The following SLC7A2 variants were observed in gnomAD, a reference collection of about 807,000 sequenced individuals.
The protein encoded by SLC7A2 is solute carrier family 7 member 2.
SLC7A2 carries 48 observed loss-of-function variants against 58.9 expected under a neutral mutation model. The ratio of observed to expected loss-of-function variants is 0.82; its 90% CI spans 0.65 to 1.04. The LOEUF is 1.04. Among genes scored for constraint, SLC7A2 ranks in the 50% least tolerant of loss-of-function variants. The pLI is 0.00. For missense variants in SLC7A2, 1,029 were observed against 818.8 expected, an observed-to-expected ratio of 1.26 and a Z score of -3.13; for synonymous variants, 363 against 314.5, an observed-to-expected ratio of 1.15 and a Z score of -1.63.
chr8:17,537,918 A>G (rs1257370398), intron 2 of SLC7A2, among the ~76,000 whole-genome samples: 1 of 152,152 alleles, frequency 6.6e-6, no homozygotes, highest in Non-Finnish European at 1.5e-5. Flanking sequence ...CCTAAACACA[A>G]AAGTTGGATG....
At chr8:17,524,331 A>G (rs1449483938) in intron 2 of SLC7A2, among the ~76,000 whole-genome samples, 4 of 152,126 alleles carry the variant, frequency 2.6e-5, no homozygotes. Flanking sequence ...ACAATTTGCA[A>G]TTGCAAAAAT....
At chr8:17,525,182 C>G (rs1801174593) in intron 2 of SLC7A2, among the ~76,000 whole-genome samples, 1 of 152,242 alleles carries the variant, frequency 6.6e-6, no homozygotes, top group East Asian at 1.9e-4. Flanking sequence ...CTGGGCTCTT[C>G]TTCTCCCTCA....
At chr8:17,555,614 A>G (rs1045800253) in intron 8 of SLC7A2, among the ~76,000 whole-genome samples, 1 of 151,848 alleles carries the variant, frequency 6.6e-6, no homozygotes, top group African/African-American at 2.4e-5. Context: ...CATCCTCAGT[A>G]TGGTGGGCAT....
chr8:17,564,915 T>G lies in SLC7A2; in HGVS notation c.1781-35T>G, dbSNP rs768410748. 7.3e-6 allele frequency: 11 copies of G among 1,508,032 alleles called. No homozygotes were observed. In the East Asian group the frequency reaches 2.0e-4, roughly 28 times the overall value. The allele number at this position is 1,508,032 out of a possible 1,614,324, so 93.4% of individuals were successfully genotyped here. On this transcript the variant is annotated intron_variant, in intron 12 of 12. Transcript: ENST00000494857. ...CTTAAAAGTCATTTTCTGACATACC[T>G]GAAACATTGATTTTTTTTTTTCCTG... is the stretch of plus-strand genomic sequence containing the variant.
chr8:17,523,784 C>T (rs1801110978), intron 2 of SLC7A2, among the ~76,000 whole-genome samples: 1 of 152,078 alleles, frequency 6.6e-6, no homozygotes, highest in Non-Finnish European at 1.5e-5. Flanking sequence ...AACTAAAAAG[C>T]TTCTCCACAG....
At chr8:17,548,464 G>T (rs1802282581) in intron 4 of SLC7A2, among the ~76,000 whole-genome samples, 1 of 152,198 alleles carries the variant, frequency 6.6e-6, no homozygotes, top group Admixed American at 6.5e-5. Context: ...TCTTCTATGA[G>T]CATGACCTGC....
At chr8:17,519,229 G>A (rs1161542169) in intron 2 of SLC7A2, among the ~76,000 whole-genome samples, 1 of 152,164 alleles carries the variant, frequency 6.6e-6, no homozygotes, top group African/African-American at 2.4e-5. Flanking sequence ...ACCTCATAGG[G>A]TTGATAGGTA....
At position 17,566,677 on chromosome 8, in the gene SLC7A2, T is replaced by C. The variant is rs1296313764; in HGVS notation, c.*1531T>C. 6.6e-6 allele frequency: 1 copy of C among 152,184 alleles called. No individual in the cohort carries two copies. Among genetic ancestry groups the C allele is most frequent in the Admixed American group, 6.5e-5 (1 of 15,286 alleles). The allele number at this position is 152,184 out of a possible 1,614,324, so 9.4% of individuals were successfully genotyped here. ...AACCCTTGTAAATGAGTAAACAAAT[T>C]TTTACATGTAAGATTCTCTAATTGT... On this transcript the variant is annotated 3_prime_UTR_variant, in exon 13 of 13. Transcript: ENST00000494857.
rs746280781 is a variant in SLC7A2 at position 17,548,778 on chromosome 8, G to C, written c.633G>C (p.Val211=). ...VLLFVMVAGF[V]KGNVANWKIS... is the part of the protein sequence containing the mutation. ...TGTTTGTGATGGTTGCTGGGTTTGTGAAAGGAAATGTGGCAAACTGGAAGA... is the reference window on the plus strand; with the variant it reads ...TGTTTGTGATGGTTGCTGGGTTTGTCAAAGGAAATGTGGCAAACTGGAAGA... Residue 211 remains valine, a synonymous_variant, in exon 5 of 13, where the codon GTG becomes GTC. Transcript: ENST00000494857. The C allele has an allele frequency of 1.9e-6, 3 of 1,613,804 alleles. No homozygotes were observed. Among genetic ancestry groups the C allele is most frequent in the South Asian group, 1.1e-5 (1 of 91,060 alleles).
chr8:17,556,212 C>T (rs1372578731), intron 8 of SLC7A2, among the ~76,000 whole-genome samples: 3 of 152,104 alleles, frequency 2.0e-5, no homozygotes, highest in Admixed American at 1.3e-4. Context: ...TTAAACAACA[C>T]ATGATATTAA....
At chr8:17,509,005 G>A (rs1474862934) in intron 2 of SLC7A2, among the ~76,000 whole-genome samples, 1 of 152,144 alleles carries the variant, frequency 6.6e-6, no homozygotes, top group Non-Finnish European at 1.5e-5. Flanking sequence ...AGTTGGAGAT[G>A]CTGGTGGTGT....
In SLC7A2 at chr8:17,569,594, T is replaced by C. The variant is rs1204076959; in HGVS notation, c.*4448T>C. On this transcript the variant is annotated 3_prime_UTR_variant, in exon 13 of 13. Coordinates refer to ENST00000494857, the MANE Select transcript of SLC7A2 (RefSeq NM_001370338.1). ...CATGATTATATTAAACACTTTAAAATAGCCTTCCGGTTTCTGGATTTTGAG... is the reference window on the plus strand; with the variant it reads ...CATGATTATATTAAACACTTTAAAACAGCCTTCCGGTTTCTGGATTTTGAG... The C allele has an allele frequency of 1.3e-5, 2 of 152,214 alleles. No individual in the cohort carries two copies. The highest frequency in any genetic ancestry group is 4.8e-5 in the African/African-American group (2 of 41,460). The allele number at this position is 152,214 out of a possible 1,614,324, so 9.4% of individuals were successfully genotyped here. A position where few individuals can be genotyped will look rare whatever the true frequency, so the allele number is the denominator to read the frequency against.
At chr8:17,529,192 C>T (rs140057955) in intron 2 of SLC7A2, among the ~76,000 whole-genome samples, 1 of 152,210 alleles carries the variant, frequency 6.6e-6, no homozygotes, top group Non-Finnish European at 1.5e-5. Context: ...GCACTCTGTT[C>T]AGTAGCACTG....
intron 8 of SLC7A2, chr8:17,555,137 A>C (rs755782019): frequency 9.7e-5 from 151 of 1,557,496 alleles, no homozygotes; most frequent in Non-Finnish European, 1.2e-4. Context: ...TTTAATTCGC[A>C]TGCATGGACT....
chr8:17,495,208 C>CA (rs1337142555), upstream of SLC7A2, among the ~76,000 whole-genome samples: 2 of 152,112 alleles, frequency 1.3e-5, no homozygotes, highest in Non-Finnish European at 2.9e-5. Context: ...CCTCGAGTGC[C>CA]AGGGCAACCG....
At chr8:17,523,495 C>G (rs1231652006) in intron 2 of SLC7A2, among the ~76,000 whole-genome samples, 1 of 152,110 alleles carries the variant, frequency 6.6e-6, no homozygotes, top group African/African-American at 2.4e-5. Context: ...ACAAAGCAAA[C>G]ATGGCATAAA....
rs774371210 is a variant in SLC7A2, at chr8:17,554,592, T to C, written c.1088T>C (p.Val363Ala). The C allele has an allele frequency of 2.6e-5, 42 of 1,608,564 alleles. No individual in the cohort carries two copies. Among genetic ancestry groups the C allele is most frequent in the Non-Finnish European group, 3.6e-5 (42 of 1,178,784 alleles). ...LLGSIFPMPRVIYAMAEDGLL... is the reference protein window; with the variant it reads ...LLGSIFPMPRAIYAMAEDGLL... Reference sequence around the variant, plus strand: ...GGATCCATTTTCCCAATGCCTCGTGTAATCTATGCTATGGCGGAGGATGGG... The same window carrying C: ...GGATCCATTTTCCCAATGCCTCGTGCAATCTATGCTATGGCGGAGGATGGG... Residue 363 changes from valine (V) to alanine (A), a missense_variant, in exon 8 of 13, where the codon GTA becomes GCA. Transcript: ENST00000494857.
At chr8:17,520,830 C>A in intron 2 of SLC7A2, 2 of 389,564 alleles carry the variant, frequency 5.1e-6, no homozygotes, top group Non-Finnish European at 7.0e-6. Flanking sequence ...TTATTTTGTA[C>A]TCCAGTATTG....
At chr8:17,564,871 A>G (rs1803189342) in intron 12 of SLC7A2, 79 bp from the exon 13 acceptor site, 1 of 1,183,200 alleles carries the variant, frequency 8.5e-7, no homozygotes, top group Non-Finnish European at 1.2e-6. Context: ...ATTAAGTTCT[A>G]CATTTTCCAC....
Sources: gnomAD v4.1 joint callset for allele counts (sites outside exome capture counted in the v4.1 genomes callset) on GRCh38, gnomAD v4.1.1 for gene constraint, MANE v1.5 for transcripts, NCBI Gene and HGNC (gene_info 2026-07-23, HGNC 2026-07-21) for gene names.